Variants in IQCK observed in about 807,000 individuals in gnomAD.
IQCK encodes the protein IQ motif containing K.
IQCK carries 29 observed loss-of-function variants against 28.1 expected under a neutral mutation model. The observed-to-expected ratio is 1.03, with a 90% CI of 0.77 to 1.41. The LOEUF (loss-of-function observed/expected upper bound fraction) is 1.41, where lower values mean the gene tolerates loss of function less well. Among genes scored for constraint, IQCK ranks in the 40% most tolerant of loss-of-function variants. IQCK has a pLI of 0.00. For missense variants in IQCK, 359 were observed against 314.7 expected (o/e 1.14, Z -1.07); for synonymous variants, 113 against 115.1 (o/e 0.98, Z 0.12).
intron 7 of IQCK, among the ~76,000 whole-genome samples, chr16:19,805,486 C>G (rs1330806032): frequency 3.3e-5 from 5 of 152,150 alleles, no homozygotes; most frequent in Non-Finnish European, 5.9e-5. Flanking sequence ...GCTAGGCAAC[C>G]TGCAGGGAAG....
intron 7 of IQCK, among the ~76,000 whole-genome samples, chr16:19,803,636 A>G (rs1484722442): frequency 2.6e-5 from 4 of 152,206 alleles, no homozygotes; most frequent in East Asian, 1.9e-4. Flanking sequence ...TCACCAAGTT[A>G]TCATGGAATT....
intron 9 of IQCK, among the ~76,000 whole-genome samples, chr16:19,838,122 G>A (rs1567199192): frequency 1.3e-5 from 2 of 152,250 alleles, no homozygotes; most frequent in East Asian, 1.9e-4. Flanking sequence ...CTGTCTGGGC[G>A]AATCTAAACC....
intron 3 of IQCK, among the ~76,000 whole-genome samples, chr16:19,735,042 A>G (rs1433561469): frequency 6.7e-6 from 1 of 149,714 alleles, no homozygotes; most frequent in Non-Finnish European, 1.5e-5. Flanking sequence ...TTCCTACCAC[A>G]CTCCCCTTGT....
At chr16:19,824,938 C>G (rs1461823518) in intron 7 of IQCK, among the ~76,000 whole-genome samples, 1 of 152,172 alleles carries the variant, frequency 6.6e-6, no homozygotes, top group Non-Finnish European at 1.5e-5. Flanking sequence ...CTAGTTCGTC[C>G]TTCAAAACAG....
intron 6 of IQCK, among the ~76,000 whole-genome samples, chr16:19,771,355 G>A (rs1387132943): frequency 6.6e-6 from 1 of 152,012 alleles, no homozygotes; most frequent in Admixed American, 6.6e-5. Context: ...GCCTCCCAAA[G>A]TGCTGGGATT....
chr16:19,817,372 T>G (rs566530012), intron 7 of IQCK, among the ~76,000 whole-genome samples: 1 of 152,298 alleles, frequency 6.6e-6, no homozygotes, highest in South Asian at 2.1e-4. Context: ...CCCAGTTCAA[T>G]GGGTGCGTGC....
intron 9 of IQCK, among the ~76,000 whole-genome samples, chr16:19,854,735 C>T (rs2056533254): frequency 6.6e-6 from 1 of 152,148 alleles, no homozygotes; most frequent in South Asian, 2.1e-4. Context: ...ATGGAAATGG[C>T]AAATGATACA....
chr16:19,727,215 T>C (rs1404373364), intron 1 of IQCK, among the ~76,000 whole-genome samples: 1 of 152,016 alleles, frequency 6.6e-6, no homozygotes, highest in African/African-American at 2.4e-5. Flanking sequence ...ATATGAGTTA[T>C]GAAGAAAAAG....
chr16:19,774,391 G>A (rs1433452858), intron 6 of IQCK, among the ~76,000 whole-genome samples: 1 of 140,606 alleles, frequency 7.1e-6, no homozygotes, highest in Admixed American at 7.0e-5. Flanking sequence ...TATTTATTTA[G>A]CTAATACTTT....
intron 4 of IQCK, among the ~76,000 whole-genome samples, chr16:19,752,409 C>T (rs1325201360): frequency 6.6e-6 from 1 of 152,150 alleles, no homozygotes. Context: ...GTAGTGGAAA[C>T]TCAAATGAGT....
chr16:19,819,068 TAGA>T (rs1387773266), intron 7 of IQCK, among the ~76,000 whole-genome samples: 2 of 152,172 alleles, frequency 1.3e-5, no homozygotes, highest in Non-Finnish European at 2.9e-5. Context: ...GCCTTTGCTA[TAGA>T]AGAACAGGAT....
At chr16:19,844,033 T>TG (rs1441119691) in intron 9 of IQCK, among the ~76,000 whole-genome samples, 2 of 152,116 alleles carry the variant, frequency 1.3e-5, no homozygotes, top group African/African-American at 4.8e-5. Flanking sequence ...TTATGAATAA[T>TG]GCTGCTATGA....
intron 9 of IQCK, 38 bp from the exon 9 acceptor site, chr16:19,856,449 G>GTAA: frequency 6.3e-7 from 1 of 1,582,276 alleles, no homozygotes; most frequent in South Asian, 1.1e-5. Flanking sequence ...GTCTACGTAT[G>GTAA]TAAATTGATC....
intron 4 of IQCK, among the ~76,000 whole-genome samples, chr16:19,739,144 G>A (rs2054798480): frequency 6.6e-6 from 1 of 152,198 alleles, no homozygotes; most frequent in East Asian, 1.9e-4. Context: ...AGCCCTTGCA[G>A]GTGGAACTGG....
chr16:19,730,192 G>T (rs530557968), intron 1 of IQCK, among the ~76,000 whole-genome samples: 1 of 152,100 alleles, frequency 6.6e-6, no homozygotes, highest in Admixed American at 6.6e-5. Context: ...CTGACCTCAG[G>T]TGATCCTCCT....
At chr16:19,720,837 T>A (rs1170933620) in intron 1 of IQCK, among the ~76,000 whole-genome samples, 2 of 152,138 alleles carry the variant, frequency 1.3e-5, no homozygotes, top group African/African-American at 4.8e-5. Flanking sequence ...GCCAACATGT[T>A]GAAACCCTGT....
chr16:19,824,079 A>G (rs1222507522), intron 7 of IQCK, among the ~76,000 whole-genome samples: 2 of 152,188 alleles, frequency 1.3e-5, no homozygotes, highest in African/African-American at 2.4e-5. Context: ...GGATGATACA[A>G]GCACGTTACA....
At chr16:19,844,232 A>C (rs2056391069) in intron 9 of IQCK, among the ~76,000 whole-genome samples, 1 of 152,102 alleles carries the variant, frequency 6.6e-6, no homozygotes, top group Non-Finnish European at 1.5e-5. Flanking sequence ...GGCACCTGCC[A>C]CCACGCCCGG....
intron 4 of IQCK, among the ~76,000 whole-genome samples, chr16:19,742,938 G>A (rs959269402): frequency 6.6e-6 from 1 of 152,194 alleles, no homozygotes; most frequent in Non-Finnish European, 1.5e-5. Flanking sequence ...GGAGGCCGAG[G>A]CGGGTAGATC....
Sources: gnomAD v4.1 joint callset for allele counts (sites outside exome capture counted in the v4.1 genomes callset) on GRCh38, gnomAD v4.1.1 for gene constraint, MANE v1.5 for transcripts, NCBI Gene and HGNC (gene_info 2026-07-23, HGNC 2026-07-21) for gene names.